Variants in WWOX observed in about 807,000 individuals in gnomAD.
WWOX encodes WW domain-containing oxidoreductase.
In WWOX, 69 loss-of-function variants were observed where a neutral mutation model predicts 46.2. The ratio of observed to expected loss-of-function variants is 1.49; its 90% confidence interval spans 1.23 to 1.82. The LOEUF (loss-of-function observed/expected upper bound fraction) is 1.82, where lower values mean the gene tolerates loss of function less well. Ranked by LOEUF, WWOX falls within the 40% of genes most tolerant of loss-of-function variation. WWOX has a pLI of 0.00. For missense variants in WWOX, 919 were observed against 542.6 expected (o/e 1.69, Z -6.89); for synonymous variants, 359 against 202.6 (o/e 1.77, Z -6.56).
chr16:78,331,562 C>G (rs1467750713), intron 5 of WWOX, among the ~76,000 whole-genome samples: 3 of 152,178 alleles, frequency 2.0e-5, no homozygotes, highest in Non-Finnish European at 4.4e-5. Flanking sequence ...GTAGGAGAGT[C>G]TACCAGGCAG....
intron 5 of WWOX, among the ~76,000 whole-genome samples, chr16:78,381,932 C>T (rs924145399): frequency 3.3e-5 from 5 of 152,306 alleles, no homozygotes; most frequent in Non-Finnish European, 7.4e-5. Flanking sequence ...GTGGCACGAT[C>T]ATGTCTCACG....
intron 4 of WWOX, among the ~76,000 whole-genome samples, chr16:78,134,168 A>G (rs944545024): frequency 5.9e-5 from 9 of 152,154 alleles, no homozygotes; most frequent in Non-Finnish European, 1.3e-4. Context: ...TTAGCATTGG[A>G]TTTTAGAGTC....
intron 5 of WWOX, among the ~76,000 whole-genome samples, chr16:78,207,528 T>G (rs905118048): frequency 6.6e-6 from 1 of 152,016 alleles, no homozygotes; most frequent in Non-Finnish European, 1.5e-5. Flanking sequence ...TTTGTTACTT[T>G]GTTAGGATTA....
chr16:78,342,895 C>G lies in WWOX; in HGVS notation c.517-43965C>G, dbSNP rs1216548320. On this transcript the variant is annotated intron_variant, in intron 5 of 8. Coordinates refer to ENST00000566780, the MANE Select transcript of WWOX (RefSeq NM_016373.4). Reference sequence around the variant, plus strand: ...AATGATCCCTTTTGTGCTAGAGGATCTGAGTTCATTTCATGAAACTGAAGC... The same window carrying G: ...AATGATCCCTTTTGTGCTAGAGGATGTGAGTTCATTTCATGAAACTGAAGC... Among the ~76,000 whole-genome samples, 2 of 120,774 alleles carry G rather than the reference C, an allele frequency of 1.7e-5. 1 individual carries two copies. Among genetic ancestry groups the G allele is most frequent in the Non-Finnish European group, 4.0e-5 (2 of 50,514 alleles). 79.2% of individuals were successfully genotyped at this position (120,774 alleles called of 152,430 possible). A position where few individuals can be genotyped will look rare whatever the true frequency, so the allele number is the denominator to read the frequency against.
At chr16:78,520,296 T>G (rs1231050461) in intron 8 of WWOX, among the ~76,000 whole-genome samples, 1 of 152,164 alleles carries the variant, frequency 6.6e-6, no homozygotes, top group East Asian at 1.9e-4. Context: ...CGCAGTGAAT[T>G]TTTTAGATGT....
chr16:78,679,436 A>G (rs1327745580), intron 8 of WWOX, among the ~76,000 whole-genome samples: 1 of 152,190 alleles, frequency 6.6e-6, no homozygotes, highest in Non-Finnish European at 1.5e-5. Context: ...CTGTAATCCC[A>G]GCTACTTGTG....
chr16:79,198,762 A>G (rs1330460496), intron 8 of WWOX, among the ~76,000 whole-genome samples: 1 of 152,216 alleles, frequency 6.6e-6, no homozygotes, highest in Non-Finnish European at 1.5e-5. Flanking sequence ...GAAATACCAT[A>G]TTATTATAAA....
intron 8 of WWOX, among the ~76,000 whole-genome samples, chr16:78,532,222 T>A (rs1055004337): frequency 6.6e-6 from 1 of 152,184 alleles, no homozygotes; most frequent in Non-Finnish European, 1.5e-5. Flanking sequence ...AATATTGGTA[T>A]CACTTTAAAA....
intron 8 of WWOX, among the ~76,000 whole-genome samples, chr16:78,741,148 A>G (rs1272811449): frequency 1.3e-5 from 2 of 152,218 alleles, no homozygotes; most frequent in African/African-American, 2.4e-5. Flanking sequence ...ACACTGCAGT[A>G]GGAGAGTGAG....
intron 8 of WWOX, among the ~76,000 whole-genome samples, chr16:78,481,747 G>A (rs1254568300): frequency 2.7e-5 from 4 of 150,550 alleles, no homozygotes; most frequent in African/African-American, 9.9e-5. Flanking sequence ...GTGTGTGTGT[G>A]TGTGTGTGTG....
intron 8 of WWOX, among the ~76,000 whole-genome samples, chr16:78,924,160 C>T (rs1006551533): frequency 2.0e-5 from 3 of 151,824 alleles, no homozygotes; most frequent in Non-Finnish European, 4.4e-5. Flanking sequence ...GTTAGAGAAG[C>T]AGAAAGAAGG....
intron 8 of WWOX, among the ~76,000 whole-genome samples, chr16:78,775,946 T>C (rs2050180500): frequency 1.3e-5 from 2 of 152,232 alleles, no homozygotes; most frequent in African/African-American, 2.4e-5. Context: ...ATCACTACTC[T>C]AAACGTAAGA....
intron 8 of WWOX, among the ~76,000 whole-genome samples, chr16:78,441,786 C>CTT (rs1182230888): frequency 2.0e-5 from 3 of 151,908 alleles, no homozygotes; most frequent in African/African-American, 7.3e-5. Flanking sequence ...GTGCTAGATG[C>CTT]TTAAGAAATG....
chr16:78,509,489 G>A (rs554491142), intron 8 of WWOX, among the ~76,000 whole-genome samples: 50 of 151,902 alleles, frequency 3.3e-4, no homozygotes, highest in Non-Finnish European at 4.7e-4. Flanking sequence ...TCAATACTCC[G>A]TAGCCATTTT....
At chr16:79,103,179 C>T (rs917048134) in intron 8 of WWOX, among the ~76,000 whole-genome samples, 1 of 152,214 alleles carries the variant, frequency 6.6e-6, no homozygotes, top group Non-Finnish European at 1.5e-5. Context: ...CTGCCTCTCC[C>T]TAGCCATTAG....
intron 5 of WWOX, among the ~76,000 whole-genome samples, chr16:78,308,449 G>T (rs899085701): frequency 6.6e-6 from 1 of 152,088 alleles, no homozygotes. Flanking sequence ...TCCTAAGGCT[G>T]ACAAAACAGA....
chr16:78,430,547 A>G (rs2083192182), intron 7 of WWOX, among the ~76,000 whole-genome samples: 1 of 152,132 alleles, frequency 6.6e-6, no homozygotes, highest in Non-Finnish European at 1.5e-5. Context: ...GACATCTGCC[A>G]TCCCTGCTAC....
At chr16:78,593,858 G>GC (rs1215940988) in intron 8 of WWOX, among the ~76,000 whole-genome samples, 2 of 152,142 alleles carry the variant, frequency 1.3e-5, no homozygotes, top group African/African-American at 4.8e-5. Flanking sequence ...GGTCAGCTGG[G>GC]CCATACATTT....
chr16:78,711,914 C>G (rs1335673444), intron 8 of WWOX, among the ~76,000 whole-genome samples: 2 of 152,164 alleles, frequency 1.3e-5, no homozygotes, highest in African/African-American at 4.8e-5. Flanking sequence ...AAATTCAGAA[C>G]AAAGCTCTCT....
Sources: gnomAD v4.1 joint callset for allele counts (sites outside exome capture counted in the v4.1 genomes callset) on GRCh38, gnomAD v4.1.1 for gene constraint, MANE v1.5 for transcripts, NCBI Gene and HGNC (gene_info 2026-07-23, HGNC 2026-07-21) for gene names.